Variants in MAN1A1 observed in about 807,000 individuals in gnomAD.
MAN1A1 encodes mannosidase alpha class 1A member 1.
Under a neutral mutation model 70.8 loss-of-function variants are expected in MAN1A1, and 29 were observed. The observed-to-expected ratio is 0.41, with a 90% CI of 0.31 to 0.56. MAN1A1 has a LOEUF of 0.56. Ranked by LOEUF, MAN1A1 falls within the 20% of genes least tolerant of loss-of-function variation. The probability of loss-of-function intolerance (pLI) is 0.29; values close to 1 mark genes in which losing one functional copy is unlikely to be tolerated. For missense variants in MAN1A1, 747 were observed against 841.3 expected (o/e 0.89, Z 1.39); for synonymous variants, 349 against 330.1 (o/e 1.06, Z -0.62).
At chr6:119,231,231 C>T (rs1774665994) in intron 6 of MAN1A1, among the ~76,000 whole-genome samples, 1 of 151,984 alleles carries the variant, frequency 6.6e-6, no homozygotes, top group Non-Finnish European at 1.5e-5. Context: ...CACCATAATC[C>T]CCACGTCTCA....
Position 119,348,915 on chromosome 6 carries a change from A to C in MAN1A1, c.151T>G (p.Phe51Val), listed in dbSNP as rs774827258. Residue 51 changes from phenylalanine to valine, a missense_variant, in exon 2 of 13, where the codon TTC becomes GTC. Phe to Val is a conservative substitution (Grantham distance 50). Coordinates refer to ENST00000368468, the MANE Select transcript of MAN1A1 (RefSeq NM_005907.4). Reference sequence around the variant, plus strand: ...ATCGCCCCGAAGCAGAGCGTGATGAAGGCGCTGAATACCAGCAGCAGCACG... The same window carrying C: ...ATCGCCCCGAAGCAGAGCGTGATGACGGCGCTGAATACCAGCAGCAGCACG... ...KFVLLLVFSA[F>V]ITLCFGAIFF... 2.6e-6 allele frequency: 4 copies of C among 1,534,468 alleles called. No individual in the cohort carries two copies. The Admixed American group carries it at 6.0e-5, about 23-fold the overall frequency.
chr6:119,224,006 T>C (rs1774437331), intron 6 of MAN1A1, among the ~76,000 whole-genome samples: 1 of 152,152 alleles, frequency 6.6e-6, no homozygotes. Context: ...TTTAAAAAAT[T>C]GCAGTTATAT....
chr6:119,259,429 T>C (rs1361185759), intron 5 of MAN1A1, among the ~76,000 whole-genome samples: 1 of 152,216 alleles, frequency 6.6e-6, no homozygotes, highest in African/African-American at 2.4e-5. Flanking sequence ...GTCAACTGAA[T>C]ACCTATGTAT....
intron 6 of MAN1A1, among the ~76,000 whole-genome samples, chr6:119,216,851 G>T (rs1774219929): frequency 1.3e-5 from 2 of 152,164 alleles, no homozygotes; most frequent in African/African-American, 4.8e-5. Context: ...CATACATGTT[G>T]TTGTATACTG....
intron 6 of MAN1A1, among the ~76,000 whole-genome samples, chr6:119,243,487 T>C (rs1227867689): frequency 1.3e-5 from 2 of 152,102 alleles, no homozygotes; most frequent in Non-Finnish European, 2.9e-5. Context: ...TCATAGTTTG[T>C]GTTTATTAAA....
intron 2 of MAN1A1, among the ~76,000 whole-genome samples, chr6:119,338,669 A>T (rs1401415649): frequency 6.6e-6 from 1 of 152,234 alleles, no homozygotes; most frequent in Non-Finnish European, 1.5e-5. Context: ...ATCCTTCCGC[A>T]GATCTCCAGA....
intron 6 of MAN1A1, among the ~76,000 whole-genome samples, chr6:119,243,840 T>A (rs914427641): frequency 1.3e-5 from 2 of 152,094 alleles, no homozygotes; most frequent in Non-Finnish European, 2.9e-5. Flanking sequence ...CCTCACTGAC[T>A]AATGAGAGTC....
chr6:119,238,455 C>T (rs1324913652), intron 6 of MAN1A1, among the ~76,000 whole-genome samples: 1 of 152,040 alleles, frequency 6.6e-6, no homozygotes, highest in Non-Finnish European at 1.5e-5. Context: ...GAAATGATAC[C>T]CATCTTAAAA....
intron 2 of MAN1A1, among the ~76,000 whole-genome samples, chr6:119,338,746 T>C (rs1773528415): frequency 6.6e-6 from 1 of 152,236 alleles, no homozygotes; most frequent in South Asian, 2.1e-4. Context: ...GAAGATGCGC[T>C]GGTAAAGCTG....
upstream of MAN1A1, among the ~76,000 whole-genome samples, chr6:119,350,372 GCT>G (rs1356200377): frequency 6.6e-6 from 1 of 152,216 alleles, no homozygotes; most frequent in African/African-American, 2.4e-5. Flanking sequence ...GAGCTTTTGA[GCT>G]CTCTGGTATA....
intron 6 of MAN1A1, among the ~76,000 whole-genome samples, chr6:119,223,713 C>T (rs1774427775): frequency 6.6e-6 from 1 of 151,970 alleles, no homozygotes; most frequent in South Asian, 2.1e-4. Flanking sequence ...TATGCAGCTA[C>T]TAAAGGTCAG....
intron 8 of MAN1A1, among the ~76,000 whole-genome samples, chr6:119,199,451 C>G (rs1312728380): frequency 6.6e-6 from 1 of 152,170 alleles, no homozygotes; most frequent in East Asian, 1.9e-4. Context: ...TTTCATAATT[C>G]AGCAGGAGTG....
rs777003446 is a variant in MAN1A1 at position 119,188,574 on chromosome 6, A to G, written c.1550T>C (p.Met517Thr). 1.4e-5 allele frequency: 23 copies of G among 1,612,656 alleles called. No homozygotes were observed. The highest frequency in any genetic ancestry group is 1.6e-4 in the Middle Eastern group (1 of 6,068). The part of the protein sequence containing the change: ...TCHESYNRTF[M>T]KLGPEAFRFD... ...TCTGAAAGCTTCTGGTCCCAGTTTC[A>G]TAACTAAAGGACATGGAATGAATGA... Residue 517 changes from methionine (M) to threonine (T), a missense_variant, in exon 11 of 13, where the codon ATG becomes ACG. Transcript: ENST00000368468.
intron 5 of MAN1A1, among the ~76,000 whole-genome samples, chr6:119,251,072 G>C (rs186497758): frequency 6.6e-6 from 1 of 152,018 alleles, no homozygotes; most frequent in Non-Finnish European, 1.5e-5. Context: ...TCTGATAGGA[G>C]CATAGGCCAT....
chr6:119,236,628 C>T (rs941617433), intron 6 of MAN1A1, among the ~76,000 whole-genome samples: 1 of 148,374 alleles, frequency 6.7e-6, no homozygotes, highest in Non-Finnish European at 1.5e-5. Flanking sequence ...GAATGGCTTA[C>T]ACCTGAGAGG....
chr6:119,193,782 C>A lies in MAN1A1; in HGVS notation c.1321G>T (p.Val441Phe). The A allele has an allele frequency of 6.2e-7, 1 of 1,610,170 alleles. No homozygotes were observed. The highest frequency in any genetic ancestry group is 8.5e-7 in the Non-Finnish European group (1 of 1,177,172). The change falls in exon 9 of 13, where the codon GTT becomes TTT. Residue 441 changes from valine to phenylalanine, a missense_variant. By Grantham distance (50) the Val-to-Phe change is conservative. This residue lies in a region of MAN1A1 where 419 missense variants were observed against 548.2 expected (regional missense o/e 0.76). Transcript: ENST00000368468. ...TGATTTAAATATTGGGTTACCTGAACAGCATCAAAATACATCTTCTTAGCT... is the reference window on the plus strand; with the variant it reads ...TGATTTAAATATTGGGTTACCTGAAAAGCATCAAAATACATCTTCTTAGCT... ...LEAKKMYFDAVQAIETHLIRK... is the reference protein window; with the variant it reads ...LEAKKMYFDAFQAIETHLIRK...
intron 6 of MAN1A1, among the ~76,000 whole-genome samples, chr6:119,222,777 C>CAG: frequency 6.6e-6 from 1 of 152,148 alleles, no homozygotes; most frequent in Non-Finnish European, 1.5e-5. Context: ...ATAATCACAG[C>CAG]TGAAATCCTG....
At chr6:119,243,475 T>C (rs962962427) in intron 6 of MAN1A1, among the ~76,000 whole-genome samples, 48 of 152,206 alleles carry the variant, frequency 3.2e-4, no homozygotes, top group African/African-American at 1.2e-3. Context: ...TCAGATCATC[T>C]TTCATAGTTT....
intron 2 of MAN1A1, among the ~76,000 whole-genome samples, chr6:119,330,836 G>A (rs1246897243): frequency 6.6e-6 from 1 of 150,772 alleles, no homozygotes; most frequent in African/African-American, 2.5e-5. Flanking sequence ...ACTTCATTTA[G>A]AAAGTGTTCC....
Sources: allele counts gnomAD v4.1 joint callset (sites outside exome capture counted in the v4.1 genomes callset), GRCh38; gene constraint gnomAD v4.1.1; regional missense constraint gnomAD v4.1.1; transcripts MANE v1.5; gene names NCBI Gene and HGNC (gene_info 2026-07-23, HGNC 2026-07-21).